KIRREL3: variants seen among roughly 807,000 people sequenced by gnomAD.
KIRREL3 encodes kin of IRRE-like protein 3.
In KIRREL3, 36 loss-of-function variants were observed where a neutral mutation model predicts 89.7. The observed-to-expected ratio is 0.40, with a 90% CI of 0.31 to 0.53. The LOEUF (loss-of-function observed/expected upper bound fraction) is 0.53. KIRREL3 is among the 20% of genes least tolerant of loss of function. The pLI, the probability that KIRREL3 is intolerant of heterozygous loss-of-function variation, is 0.49. For missense variants in KIRREL3, 864 were observed against 1,056.6 expected, an observed-to-expected ratio of 0.82 and a Z score of 2.53; for synonymous variants, 445 against 441.4, an observed-to-expected ratio of 1.01 and a Z score of -0.10.
intron 1 of KIRREL3, among the ~76,000 whole-genome samples, chr11:126,888,803 T>C (rs1273450449): frequency 6.6e-6 from 1 of 152,190 alleles, no homozygotes; most frequent in Non-Finnish European, 1.5e-5. Flanking sequence ...CCCATTTCAT[T>C]GTCGACAGTG....
At chr11:126,456,039 G>GTTTTTTTTTTTTTTTTTTTTTTTTT (rs745805898) in intron 7 of KIRREL3, among the ~76,000 whole-genome samples, 11 of 68,312 alleles carry the variant, frequency 1.6e-4, no homozygotes, top group South Asian at 4.9e-4. Flanking sequence ...TTTTGTTTTC[G>GTTTTTTTTTTTTTTTTTTTTTTTTT]TTTTTTTTTT....
intron 1 of KIRREL3, among the ~76,000 whole-genome samples, chr11:126,863,607 T>G (rs1333403777): frequency 5.5e-4 from 17 of 31,038 alleles, no homozygotes; most frequent in African/African-American, 1.0e-3. Context: ...GCGTGTGTGT[T>G]TGCGTGCGTG....
intron 4 of KIRREL3, among the ~76,000 whole-genome samples, chr11:126,504,455 G>T (rs10128585): frequency 6.6e-6 from 1 of 152,122 alleles, no homozygotes; most frequent in Non-Finnish European, 1.5e-5. Context: ...ACTTCTATGA[G>T]TCTTTGTTTA....
At chr11:126,599,292 G>T (rs1365328119) in intron 1 of KIRREL3, among the ~76,000 whole-genome samples, 1 of 152,106 alleles carries the variant, frequency 6.6e-6, no homozygotes, top group African/African-American at 2.4e-5. Context: ...TGCTTCCATT[G>T]TCTCAGCCGC....
rs1943119331 is a variant in KIRREL3, at chr11:126,611,348, A to G, written c.56-48436T>C. The stretch of plus-strand genomic sequence containing the variant: ...GGTGTCTAACTCCTTTTGAGAGATC[A>G]TGACTTTTGTAGAACTAGGCTGCTT... On this transcript the variant is annotated intron_variant, in intron 1 of 16. Coordinates refer to ENST00000525144, the MANE Select transcript of KIRREL3 (RefSeq NM_032531.4). This position sits in a 1 kb window ranked among gnomAD's most constrained non-coding sequence, Gnocchi z 4.7. Among the ~76,000 whole-genome samples, 1 of 152,096 alleles carries G rather than the reference A, an allele frequency of 6.6e-6. No homozygotes were observed. Among genetic ancestry groups the G allele is most frequent in the Non-Finnish European group, 1.5e-5 (1 of 68,022 alleles).
intron 1 of KIRREL3, among the ~76,000 whole-genome samples, chr11:126,711,840 C>G (rs1273152310): frequency 6.6e-6 from 1 of 152,192 alleles, no homozygotes; most frequent in African/African-American, 2.4e-5. Flanking sequence ...CCCAGCTGCC[C>G]TCTCTCCACT....
chr11:126,988,921 C>A (rs1949947663), intron 1 of KIRREL3, among the ~76,000 whole-genome samples: 2 of 151,646 alleles, frequency 1.3e-5, no homozygotes, highest in South Asian at 4.2e-4. Flanking sequence ...TTTTTTTTCT[C>A]ACCACTCTCC....
At position 126,537,786 on chromosome 11, in the gene KIRREL3, G is replaced by T. The variant is rs1399965147; in HGVS notation, c.134-11099C>A. Among the ~76,000 whole-genome samples the T allele has an allele frequency of 2.6e-5, 4 of 152,222 alleles. No homozygotes were observed. The highest frequency in any genetic ancestry group is 6.5e-5 in the Admixed American group (1 of 15,284). Reference sequence around the variant, plus strand: ...AGAGGTTTTATATGTAAATGATCTTGGTAGACAGGTGTTTCACAAAGGGTC... The same window carrying T: ...AGAGGTTTTATATGTAAATGATCTTTGTAGACAGGTGTTTCACAAAGGGTC... On this transcript the variant is annotated intron_variant, in intron 2 of 16. Transcript: ENST00000525144. This position sits in a 1 kb window ranked among gnomAD's most constrained non-coding sequence, Gnocchi z 4.3.
chr11:126,455,299 G>A lies in KIRREL3; in HGVS notation c.848+1050C>T, dbSNP rs1252635805. Among the ~76,000 whole-genome samples, 1 of 152,248 alleles carries A rather than the reference G, an allele frequency of 6.6e-6. No individual in the cohort carries two copies. The highest frequency in any genetic ancestry group is 2.4e-5 in the African/African-American group (1 of 41,466). ...GCCTCCAAGGTCACTTAGTCTCCTA[G>A]AGTCTTGTGCAGTGACAGTGCCCAG... On this transcript the variant is annotated intron_variant, in intron 7 of 16. Coordinates refer to ENST00000525144, the MANE Select transcript of KIRREL3 (RefSeq NM_032531.4). The surrounding 1 kb of genome is among the most constrained non-coding windows in gnomAD (Gnocchi z 6.4).
intron 10 of KIRREL3, 185 bp from the exon 11 acceptor site, chr11:126,440,734 C>T (rs1408247432): frequency 3.1e-6 from 2 of 640,540 alleles, no homozygotes; most frequent in Non-Finnish European, 5.6e-6. Flanking sequence ...CAGTCATAAA[C>T]CTCTCAAGGG....
chr11:126,953,921 C>CCTTT lies in KIRREL3; in HGVS notation c.55+46530_55+46533dup, dbSNP rs1442697463. On this transcript the variant is annotated intron_variant, in intron 1 of 16. Coordinates refer to ENST00000525144, the MANE Select transcript of KIRREL3 (RefSeq NM_032531.4). This position sits in a 1 kb window ranked among gnomAD's most constrained non-coding sequence, Gnocchi z 5.2. ...ATCTGATTTAGATCTTTTCTTTTCC[C>CCTTT]CTTTCTTTCTTTGCTGAGGCTAGAT... Among the ~76,000 whole-genome samples the CCTTT allele has an allele frequency of 1.3e-5, 2 of 152,090 alleles. No individual in the cohort carries two copies. The highest frequency in any genetic ancestry group is 4.2e-4 in the South Asian group (2 of 4,808).
At chr11:126,836,453 A>T (rs1049168608) in intron 1 of KIRREL3, among the ~76,000 whole-genome samples, 7 of 146,862 alleles carry the variant, frequency 4.8e-5, no homozygotes, top group South Asian at 2.3e-4. Context: ...CCAAGCCAAT[A>T]TACGGAAGAT....
intron 1 of KIRREL3, among the ~76,000 whole-genome samples, chr11:126,852,293 C>T (rs1001200585): frequency 6.6e-6 from 1 of 152,062 alleles, no homozygotes; most frequent in Non-Finnish European, 1.5e-5. Flanking sequence ...ACCTCATGAT[C>T]CACCCACCTC....
chr11:126,477,855 TG>T lies in KIRREL3; in HGVS notation c.434-4390del, dbSNP rs1957110308. ...TGGGGGACCAGCAGCACCACCCTCCTGCCCCCATACTGCATGGTGGAGAACC... is the reference window on the plus strand; with the variant it reads ...TGGGGGACCAGCAGCACCACCCTCCTCCCCCATACTGCATGGTGGAGAACC... On this transcript the variant is annotated intron_variant, in intron 4 of 16. Transcript: ENST00000525144. The surrounding 1 kb of genome is among the most constrained non-coding windows in gnomAD (Gnocchi z 4.8). Among the ~76,000 whole-genome samples, 1 of 152,180 alleles carries T rather than the reference TG, an allele frequency of 6.6e-6. No homozygotes were observed. The highest frequency in any genetic ancestry group is 2.4e-5 in the African/African-American group (1 of 41,454).
chr11:126,982,484 T>C (rs1291620547), intron 1 of KIRREL3, among the ~76,000 whole-genome samples: 1 of 152,208 alleles, frequency 6.6e-6, no homozygotes, highest in East Asian at 1.9e-4. Flanking sequence ...ATAAAGCCTT[T>C]AAAGTACATT....
Position 126,477,657 on chromosome 11 carries a change from A to G in KIRREL3, c.434-4191T>C, listed in dbSNP as rs1443228052. On this transcript the variant is annotated intron_variant, in intron 4 of 16. Coordinates refer to ENST00000525144, the MANE Select transcript of KIRREL3 (RefSeq NM_032531.4). The surrounding 1 kb of genome is among the most constrained non-coding windows in gnomAD (Gnocchi z 4.8). ...CCAGGTTGGCCAGCCTCGTCTGAGC[A>G]GGCTGGAAAAACTCTCTTGGTGCCA... Among the ~76,000 whole-genome samples, 1 of 152,138 alleles carries G rather than the reference A, an allele frequency of 6.6e-6. No homozygotes were observed. The highest frequency in any genetic ancestry group is 1.9e-4 in the East Asian group (1 of 5,182).
rs1671796043 is a variant in KIRREL3 at position 126,917,175 on chromosome 11, T to G, written c.55+83280A>C. The stretch of plus-strand genomic sequence containing the variant: ...ATGTTAAAGATTCACCTTGAAAATA[T>G]TATGCTAAATCAAATGAACCAGACA... On this transcript the variant is annotated intron_variant, in intron 1 of 16. Coordinates refer to ENST00000525144, the MANE Select transcript of KIRREL3 (RefSeq NM_032531.4). This position sits in a 1 kb window ranked among gnomAD's most constrained non-coding sequence, Gnocchi z 5.0. Among the ~76,000 whole-genome samples, 1 of 152,210 alleles carries G rather than the reference T, an allele frequency of 6.6e-6. No homozygotes were observed. Among genetic ancestry groups the G allele is most frequent in the African/African-American group, 2.4e-5 (1 of 41,456 alleles).
At chr11:126,880,642 T>G (rs1432465328) in intron 1 of KIRREL3, among the ~76,000 whole-genome samples, 1 of 151,966 alleles carries the variant, frequency 6.6e-6, no homozygotes, top group Non-Finnish European at 1.5e-5. Context: ...TTGTGGTTTT[T>G]TTTTTTTTTT....
At chr11:126,964,375 C>T (rs556213104) in intron 1 of KIRREL3, among the ~76,000 whole-genome samples, 1 of 152,260 alleles carries the variant, frequency 6.6e-6, no homozygotes, top group East Asian at 1.9e-4. Flanking sequence ...CCCCCTTCTC[C>T]CCCATAGATA....
Sources: gnomAD v4.1 joint callset for allele counts (sites outside exome capture counted in the v4.1 genomes callset) on GRCh38, gnomAD v4.1.1 for gene constraint, Gnocchi (gnomAD v3.1) non-coding constraint, MANE v1.5 for transcripts, NCBI Gene and HGNC (gene_info 2026-07-23, HGNC 2026-07-21) for gene names.